FAH: variants seen among roughly 807,000 people sequenced by gnomAD.
FAH encodes the protein fumarylacetoacetate hydrolase.
A neutral mutation model predicts 55.8 loss-of-function variants in FAH; 47 were observed. That is an observed-to-expected ratio of 0.84 (90% CI 0.67 to 1.07). FAH has a LOEUF of 1.07. Ranked by LOEUF, FAH falls within the 50% of genes least tolerant of loss-of-function variation. The pLI is 0.00. For synonymous variants in FAH, 199 were observed against 207.7 expected, an observed-to-expected ratio of 0.96 and a Z score of 0.36; for missense variants, 495 against 545.9, an observed-to-expected ratio of 0.91 and a Z score of 0.93.
chr15:80,178,153 T>A (rs57043393), intron 11 of FAH, among the ~76,000 whole-genome samples: 46,250 of 151,960 alleles, frequency 0.3, 7,255 homozygotes, highest in East Asian at 0.55. Context: ...TGAGCCATGA[T>A]CACACCACTG....
intron 11 of FAH, 24 bp from the exon 12 acceptor site, chr15:80,180,100 C>A (rs1358117016): frequency 5.2e-6 from 8 of 1,552,262 alleles, no homozygotes; most frequent in Middle Eastern, 3.4e-4. Context: ...GCTGCTCATT[C>A]CACCTCGCGT....
chr15:80,164,885 T>C (rs2041178615), intron 5 of FAH, among the ~76,000 whole-genome samples: 2 of 152,256 alleles, frequency 1.3e-5, no homozygotes, highest in East Asian at 3.8e-4. Context: ...TACACATGCA[T>C]GACCACACGT....
At chr15:80,166,668 G>C (rs1326203544) in intron 5 of FAH, among the ~76,000 whole-genome samples, 2 of 110,616 alleles carry the variant, frequency 1.8e-5, no homozygotes, top group Non-Finnish European at 3.4e-5. Context: ...ACAGAGTCTT[G>C]CTCTGTCGCC....
chr15:80,159,802 A>G lies in FAH; in HGVS notation c.239A>G (p.Glu80Gly). ...GGCCTGGGTCAGGCTGCCTGGAAGG[A>G]GGCGAGAGTGTTCTTGCAGAACTTG... ...FMGLGQAAWK[E>G]ARVFLQNLLS... The change falls in exon 3 of 14, where the codon GAG (glutamate) becomes GGG (glycine). Residue 80 changes from glutamate (E) to glycine (G), a missense_variant. Physicochemically the swap from Glu to Gly is moderately conservative, Grantham distance 98. Coordinates refer to ENST00000561421, the MANE Select transcript of FAH (RefSeq NM_000137.4). 1 of 1,614,210 alleles carries G rather than the reference A, an allele frequency of 6.2e-7. No homozygotes were observed. Among genetic ancestry groups the G allele is most frequent in the South Asian group, 1.1e-5 (1 of 91,090 alleles).
At chr15:80,181,194 C>T in intron 13 of FAH, 35 bp downstream of exon 13, 2 of 1,451,868 alleles carry the variant, frequency 1.4e-6, no homozygotes, top group East Asian at 4.6e-5. Context: ...TCGTCTTCCT[C>T]CTTGCCCGCC....
intron 4 of FAH, 109 bp from the exon 5 acceptor site, chr15:80,162,137 A>T (rs114890326): frequency 1.2e-6 from 1 of 828,152 alleles, no homozygotes; most frequent in African/African-American, 1.7e-5. Context: ...TGAGCTCTGG[A>T]TGTGTAAACA....
chr15:80,174,106 C>T (rs1284248684), intron 9 of FAH, among the ~76,000 whole-genome samples: 2 of 152,182 alleles, frequency 1.3e-5, no homozygotes, highest in African/African-American at 2.4e-5. Flanking sequence ...GCTCTCTCCT[C>T]GCTGCTCCCT....
Position 80,173,049 on chromosome 15 carries a change from G to A in FAH, c.742G>A (p.Gly248Arg), listed in dbSNP as rs774861939. 6.8e-6 allele frequency: 11 copies of A among 1,614,058 alleles called. No individual in the cohort carries two copies. The highest frequency in any genetic ancestry group is 2.2e-5 in the East Asian group (1 of 44,904). The stretch of plus-strand genomic sequence containing the variant: ...TCAGAAGTGGGAGTATGTCCCTCTC[G>A]GGCCATTCCTTGGGAAGAGTTTTGG... ...DIQKWEYVPLGPFLGKSFGTT... is the reference protein window; with the variant it reads ...DIQKWEYVPLRPFLGKSFGTT... Residue 248 changes from glycine (G) to arginine (R), a missense_variant, in exon 9 of 14, where the codon GGG (glycine) becomes AGG (arginine). By Grantham distance (125) the Gly-to-Arg change is moderately radical. Transcript: ENST00000561421.
chr15:80,153,152 T>C lies in FAH; in HGVS notation c.81+17T>C. 6.4e-7 allele frequency: 1 copy of C among 1,566,612 alleles called. No individual in the cohort carries two copies. The highest frequency in any genetic ancestry group is 8.6e-7 in the Non-Finnish European group (1 of 1,157,154). ...AGAGGCGACGTGAGCAGTGGGGCTT[T>C]GGCGTCCGGGCGCGGGGAGGGAGTG... On this transcript the variant is annotated intron_variant, in intron 1 of 13. Coordinates refer to ENST00000561421, the MANE Select transcript of FAH (RefSeq NM_000137.4).
chr15:80,158,052 C>G lies in FAH; in HGVS notation c.82-8C>G, dbSNP rs376235051. ...TTTCTGGTGCTGACGGTGTCGTCTTCCTCCTAGCCAAGACCGAGGATAGGT... is the reference window on the plus strand; with the variant it reads ...TTTCTGGTGCTGACGGTGTCGTCTTGCTCCTAGCCAAGACCGAGGATAGGT... On this transcript the variant is annotated splice_region_variant and splice_polypyrimidine_tract_variant and intron_variant, in intron 1 of 13. Transcript: ENST00000561421. The G allele has an allele frequency of 6.2e-7, 1 of 1,607,526 alleles. No individual in the cohort carries two copies. The highest frequency in any genetic ancestry group is 1.3e-5 in the African/African-American group (1 of 74,758).
chr15:80,159,996 C>T (rs1032454318), intron 3 of FAH, 119 bp downstream of exon 3: 11 of 1,325,672 alleles, frequency 8.3e-6, no homozygotes, highest in Non-Finnish European at 1.1e-5. Flanking sequence ...CAAGTCAGAC[C>T]TGCCCTCATC....
intron 1 of FAH, among the ~76,000 whole-genome samples, 195 bp downstream of exon 1, chr15:80,153,330 G>GT (rs1298343604): frequency 6.6e-6 from 1 of 152,198 alleles, no homozygotes; most frequent in Non-Finnish European, 1.5e-5. Flanking sequence ...TGTGCACGTT[G>GT]TTTAACTTTT....
intron 9 of FAH, chr15:80,173,433 G>A: frequency 1.9e-6 from 1 of 520,634 alleles, no homozygotes; most frequent in South Asian, 2.0e-5. Context: ...CAGTTGGCAG[G>A]AGGAGTCCCT....
chr15:80,163,563 T>A (rs1227392907), intron 5 of FAH: 2 of 152,232 alleles, frequency 1.3e-5, no homozygotes, highest in African/African-American at 2.4e-5. Context: ...CATGTCCTTC[T>A]GCAGAATAAG....
chr15:80,157,917 G>T (rs1389242055), intron 1 of FAH, 143 bp from the exon 2 acceptor site: 8 of 710,890 alleles, frequency 1.1e-5, no homozygotes, highest in Non-Finnish European at 1.8e-5. Flanking sequence ...AGGATGCTGA[G>T]AACATGGTTC....
intron 7 of FAH, among the ~76,000 whole-genome samples, chr15:80,171,064 A>T (rs891809632): frequency 7.9e-5 from 12 of 151,698 alleles, no homozygotes; most frequent in Non-Finnish European, 1.3e-4. Flanking sequence ...CATTAAAAAA[A>T]TTTATTTTTT....
chr15:80,180,742 A>G (rs1218100021), intron 12 of FAH, among the ~76,000 whole-genome samples: 1 of 152,156 alleles, frequency 6.6e-6, no homozygotes, highest in Non-Finnish European at 1.5e-5. Flanking sequence ...GGCAAACTGC[A>G]GCCTCCAGAG....
chr15:80,163,516 C>T (rs1323549501), intron 5 of FAH: 1 of 152,210 alleles, frequency 6.6e-6, no homozygotes, highest in African/African-American at 2.4e-5. Flanking sequence ...TTGACTGTGT[C>T]TGAAACCGAG....
Position 80,172,238 on chromosome 15 carries a change from C to T in FAH, c.696C>T (p.Asn232=), listed in dbSNP as rs533540262. Residue 232 remains asparagine (N), a synonymous_variant, in exon 8 of 14, where the codon AAC becomes AAT. Coordinates refer to ENST00000561421, the MANE Select transcript of FAH (RefSeq NM_000137.4). ...HEHIFGMVLM[N]DWSARDIQKW... is the part of the protein sequence containing the mutation. ...ACATTTTTGGAATGGTCCTTATGAA[C>T]GACTGGAGTGGTAATTACTGGAGCT... The T allele has an allele frequency of 1.5e-5, 24 of 1,610,222 alleles. No homozygotes were observed. The highest frequency in any genetic ancestry group is 4.5e-5 in the East Asian group (2 of 44,868).
Sources: allele counts gnomAD v4.1 joint callset (sites outside exome capture counted in the v4.1 genomes callset), GRCh38; gene constraint gnomAD v4.1.1; transcripts MANE v1.5; gene names NCBI Gene and HGNC (gene_info 2026-07-23, HGNC 2026-07-21).